RSRC1: variants seen among roughly 807,000 people sequenced by gnomAD.
The protein encoded by RSRC1 is arginine and serine rich coiled-coil 1, also known as serine/Arginine-related protein 53.
Under a neutral mutation model 49.1 loss-of-function variants are expected in RSRC1, and 39 were observed. That is an observed-to-expected ratio of 0.79 (90% CI 0.61 to 1.04). The LOEUF (loss-of-function observed/expected upper bound fraction) is 1.04. Ranked by LOEUF, RSRC1 falls within the 50% of genes least tolerant of loss-of-function variation. The pLI is 0.00. For synonymous variants in RSRC1, 143 were observed against 130.8 expected, an observed-to-expected ratio of 1.09 and a Z score of -0.63; for missense variants, 388 against 402.4, an observed-to-expected ratio of 0.96 and a Z score of 0.31.
chr3:158,180,293 G>A (rs1208368798), intron 3 of RSRC1, among the ~76,000 whole-genome samples: 2 of 144,960 alleles, frequency 1.4e-5, no homozygotes, highest in Non-Finnish European at 3.0e-5. Context: ...TTTCTCATAT[G>A]TTTTCTTTCT....
intron 5 of RSRC1, among the ~76,000 whole-genome samples, chr3:158,329,736 A>G (rs1729424187): frequency 6.6e-6 from 1 of 152,178 alleles, no homozygotes; most frequent in African/African-American, 2.4e-5. Context: ...CTCCGTGCTG[A>G]GAGAACCACT....
At chr3:158,333,477 A>G (rs1729680586) in intron 5 of RSRC1, among the ~76,000 whole-genome samples, 1 of 152,238 alleles carries the variant, frequency 6.6e-6, no homozygotes, top group South Asian at 2.1e-4. Flanking sequence ...TTATAGTAGC[A>G]TGAAATAAAG....
intron 5 of RSRC1, among the ~76,000 whole-genome samples, chr3:158,327,354 C>G (rs9856600): frequency 0.6 from 91,162 of 151,480 alleles, 27,691 homozygotes; most frequent in East Asian, 0.74. Context: ...TTCCTGCTGT[C>G]TCTTGTGGGC....
At chr3:158,178,709 G>A (rs923565663) in intron 3 of RSRC1, among the ~76,000 whole-genome samples, 2 of 151,976 alleles carry the variant, frequency 1.3e-5, no homozygotes, top group African/African-American at 4.8e-5. Flanking sequence ...GAATTTTTTG[G>A]GGATTACATT....
intron 5 of RSRC1, among the ~76,000 whole-genome samples, chr3:158,337,837 A>G (rs1435309792): frequency 2.0e-5 from 3 of 152,220 alleles, no homozygotes; most frequent in Admixed American, 2.0e-4. Flanking sequence ...CTTCTCTCCA[A>G]AAATCTGAAA....
intron 4 of RSRC1, among the ~76,000 whole-genome samples, chr3:158,237,208 T>C (rs537036031): frequency 6.6e-6 from 1 of 152,330 alleles, no homozygotes; most frequent in Non-Finnish European, 1.5e-5. Context: ...GACTGTCTTA[T>C]ACAAGTCTTT....
chr3:158,435,518 C>T (rs1350979209), intron 6 of RSRC1, among the ~76,000 whole-genome samples: 1 of 151,324 alleles, frequency 6.6e-6, no homozygotes, highest in Non-Finnish European at 1.5e-5. Flanking sequence ...TTTGATTTGA[C>T]ATATGATTAC....
rs527922144 is a variant in RSRC1 at position 158,327,996 on chromosome 3, T to C, written c.532-26861T>C. The stretch of plus-strand genomic sequence containing the variant: ...CTTTACCATTATGTAATGGCCTTCT[T>C]TGTCTCGTTTGATGTTTTTTGGTTT... On this transcript the variant is annotated intron_variant, in intron 5 of 9. Coordinates refer to ENST00000611884, the MANE Select transcript of RSRC1 (RefSeq NM_001271838.2). Among the ~76,000 whole-genome samples the C allele has an allele frequency of 1.5e-3, 221 of 152,360 alleles. 3 individuals carry two copies. The highest frequency in any genetic ancestry group is 5.1e-3 in the African/African-American group (211 of 41,582).
intron 3 of RSRC1, among the ~76,000 whole-genome samples, chr3:158,139,689 A>G (rs1475617433): frequency 6.7e-6 from 1 of 148,276 alleles, no homozygotes; most frequent in Non-Finnish European, 1.5e-5. Flanking sequence ...GCTGGAGTGC[A>G]GTAGCATGAT....
At chr3:158,334,649 TTGTGTGTGTGTGTG>T (rs71840277) in intron 5 of RSRC1, among the ~76,000 whole-genome samples, 2 of 137,448 alleles carry the variant, frequency 1.5e-5, no homozygotes. Flanking sequence ...CCCAGCTAAT[TTGTGTGTGTGTGTG>T]TGTGTGTGTG....
At chr3:158,312,126 C>T (rs557801496) in intron 5 of RSRC1, among the ~76,000 whole-genome samples, 8 of 150,756 alleles carry the variant, frequency 5.3e-5, no homozygotes, top group South Asian at 2.1e-4. Flanking sequence ...AAAGCTGACA[C>T]GAGCAGAGAG....
At chr3:158,217,839 G>A (rs1221569078) in intron 4 of RSRC1, among the ~76,000 whole-genome samples, 1 of 151,348 alleles carries the variant, frequency 6.6e-6, no homozygotes, top group African/African-American at 2.4e-5. Context: ...CATAAGACAT[G>A]TGTAGTGCTT....
At chr3:158,329,861 T>A (rs1729436283) in intron 5 of RSRC1, among the ~76,000 whole-genome samples, 2 of 152,210 alleles carry the variant, frequency 1.3e-5, no homozygotes, top group African/African-American at 4.8e-5. Context: ...GCAGGCCTCC[T>A]TGAGCTGAGG....
At chr3:158,458,621 A>G (rs1324999435) in intron 6 of RSRC1, among the ~76,000 whole-genome samples, 1 of 152,156 alleles carries the variant, frequency 6.6e-6, no homozygotes, top group African/African-American at 2.4e-5. Flanking sequence ...ACTTGTGTAC[A>G]AGATTAGTAA....
At chr3:158,285,214 C>T (rs1322260362) in intron 4 of RSRC1, among the ~76,000 whole-genome samples, 7 of 152,052 alleles carry the variant, frequency 4.6e-5, no homozygotes, top group African/African-American at 9.7e-5. Context: ...AGTTATTCGG[C>T]GTTATTTCTG....
At chr3:158,466,821 G>A (rs970453099) in intron 7 of RSRC1, among the ~76,000 whole-genome samples, 6 of 152,170 alleles carry the variant, frequency 3.9e-5, no homozygotes, top group Admixed American at 2.0e-4. Flanking sequence ...CAGCACTTTG[G>A]AAGGCCAAGG....
intron 3 of RSRC1, among the ~76,000 whole-genome samples, chr3:158,174,161 A>G (rs1158560127): frequency 6.6e-6 from 1 of 151,934 alleles, no homozygotes; most frequent in East Asian, 1.9e-4. Context: ...TTTTCTCTCA[A>G]CGTTGGGGTT....
intron 3 of RSRC1, among the ~76,000 whole-genome samples, chr3:158,175,906 C>T (rs548928724): frequency 6.6e-6 from 1 of 152,254 alleles, no homozygotes; most frequent in Admixed American, 6.5e-5. Flanking sequence ...CTTTCTTCCA[C>T]TTTATTGAAT....
At chr3:158,156,244 T>A (rs1717871917) in intron 3 of RSRC1, among the ~76,000 whole-genome samples, 1 of 152,202 alleles carries the variant, frequency 6.6e-6, no homozygotes, top group South Asian at 2.1e-4. Context: ...TCTGCTAGCT[T>A]CAAACTTTTC....
Sources: allele counts gnomAD v4.1 joint callset (sites outside exome capture counted in the v4.1 genomes callset), GRCh38; gene constraint gnomAD v4.1.1; transcripts MANE v1.5; gene names NCBI Gene and HGNC (gene_info 2026-07-23, HGNC 2026-07-21).